The following OR5P3 variants were observed in gnomAD, a reference collection of about 807,000 sequenced individuals.
OR5P3 encodes olfactory receptor family 5 subfamily P member 3.
For synonymous variants in OR5P3, 172 were observed against 141.8 expected (o/e 1.21, Z -1.51); for missense variants, 415 against 375.6 (o/e 1.10, Z -0.87).
At chr11:7,827,325 T>A (rs759993693) in intron 1 of OR5P3, among the ~76,000 whole-genome samples, 50 of 152,180 alleles carry the variant, frequency 3.3e-4, no homozygotes, top group Non-Finnish European at 7.1e-4. Context: ...GTGCAGTAAT[T>A]CACATAAAGA....
In OR5P3 at chr11:7,825,861, T is replaced by G. The variant is rs1272742266; in HGVS notation, c.112A>C (p.Thr38Pro). 6.2e-7 allele frequency: 1 copy of G among 1,611,516 alleles called. No homozygotes were observed. The highest frequency in any genetic ancestry group is 8.5e-7 in the Non-Finnish European group (1 of 1,178,954). ...ATTATGCTGATATTACCCATTAAGGTGACAACATAAATTCCTAGAAACACA... is the reference window on the plus strand; with the variant it reads ...ATTATGCTGATATTACCCATTAAGGGGACAACATAAATTCCTAGAAACACA... ...FLVFLGIYVV[T>P]LMGNISIIVL... The change falls in exon 2 of 2, where the codon ACC becomes CCC. Residue 38 changes from threonine (T) to proline (P), a missense_variant. By Grantham distance (38) the Thr-to-Pro change is conservative (BLOSUM62 -1). Transcript: ENST00000641167.
intron 1 of OR5P3, among the ~76,000 whole-genome samples, chr11:7,828,323 A>G (rs1290239446): frequency 2.6e-5 from 4 of 152,190 alleles, no homozygotes; most frequent in Non-Finnish European, 4.4e-5. Context: ...TTCAAGAGTT[A>G]AAAAGAGATG....
chr11:7,825,760 A>T lies in OR5P3; in HGVS notation c.213T>A (p.Ile71=). 6.2e-7 allele frequency: 1 copy of T among 1,613,220 alleles called. No individual in the cohort carries two copies. Residue 71 remains isoleucine, a synonymous_variant, in exon 2 of 2, where the codon ATT becomes ATA. Transcript: ENST00000641167. The stretch of plus-strand genomic sequence containing the variant: ...CAGGTGTGACTGATGAGGAGTACCC[A>T]ATGTCTACAAAGGCCAAATGGCAGA... ...IFLCHLAFVD[I]GYSSSVTPVM...
Position 7,825,151 on chromosome 11 carries a change from C to A in OR5P3, c.822G>T (p.Val274=). Residue 274 remains valine, a synonymous_variant, in exon 2 of 2, where the codon GTG becomes GTT. Transcript: ENST00000641167. ...GAATCACCACGGTGTAGAACACAGA[C>A]ACCACCTTGTTCTGGTCAGTTGAGT... is the stretch of plus-strand genomic sequence containing the variant. ...SSYSTDQNKV[V]SVFYTVVIPM... is the part of the protein sequence containing the mutation. 6.2e-7 allele frequency: 1 copy of A among 1,607,034 alleles called. No homozygotes were observed. Among genetic ancestry groups the A allele is most frequent in the Middle Eastern group, 1.7e-4 (1 of 6,060 alleles).
Position 7,825,825 on chromosome 11 carries a change from T to A in OR5P3, c.148A>T (p.Arg50Ter), listed in dbSNP as rs1017139600. ...GGTGTATGAAGATGATGACTTCTTC[T>A]GATCAATACAATTATGCTGATATTA... is the stretch of plus-strand genomic sequence containing the variant. ...MGNISIIVLI[R>*]RSHHLHTPMY... Residue 50 changes from arginine (R) to a stop codon, truncating the protein, a stop_gained, in exon 2 of 2, where the codon AGA becomes TGA. Coordinates refer to ENST00000641167, the MANE Select transcript of OR5P3 (RefSeq NM_153445.2). LOFTEE classifies it low-confidence loss of function (END_TRUNC). 2 of 1,613,150 alleles carry A rather than the reference T, an allele frequency of 1.2e-6. No individual in the cohort carries two copies. Among genetic ancestry groups the A allele is most frequent in the African/African-American group, 2.7e-5 (2 of 74,138 alleles).
chr11:7,826,730 A>G lies in OR5P3; in HGVS notation c.-21-737T>C, dbSNP rs546794627. Among the ~76,000 whole-genome samples the G allele has an allele frequency of 5.3e-4, 81 of 152,360 alleles. 2 individuals are homozygous for G. The South Asian group carries it at 0.017, about 32-fold the overall frequency. On this transcript the variant is annotated intron_variant, in intron 1 of 1. Coordinates refer to ENST00000641167, the MANE Select transcript of OR5P3 (RefSeq NM_153445.2). ...CTGATTCATGATAGTGAGCCAATCTAGAGAAGACATGATCAGGTTACTCCT... is the reference window on the plus strand; with the variant it reads ...CTGATTCATGATAGTGAGCCAATCTGGAGAAGACATGATCAGGTTACTCCT...
In OR5P3 at chr11:7,824,974, G is replaced by C; in HGVS notation, c.*63C>G. 7.8e-7 allele frequency: 1 copy of C among 1,280,374 alleles called. No individual in the cohort carries two copies. Among genetic ancestry groups the C allele is most frequent in the Non-Finnish European group, 1.1e-6 (1 of 950,860 alleles). The allele number at this position is 1,280,374 out of a possible 1,614,324, so 79.3% of individuals were successfully genotyped here. A position where few individuals can be genotyped will look rare whatever the true frequency, so the allele number is the denominator to read the frequency against. The stretch of plus-strand genomic sequence containing the variant: ...GATAAATTTTGACCACAAACACTCG[G>C]TGTCTTATTATTATTATATATAGAA... On this transcript the variant is annotated 3_prime_UTR_variant, in exon 2 of 2. Coordinates refer to ENST00000641167, the MANE Select transcript of OR5P3 (RefSeq NM_153445.2).
At chr11:7,829,659 G>A (rs772416371) in intron 1 of OR5P3, among the ~76,000 whole-genome samples, 15 of 152,316 alleles carry the variant, frequency 9.8e-5, no homozygotes, top group Admixed American at 7.8e-4. Context: ...AAGATAATGC[G>A]TGAACTTTCT....
rs1325989804 is a variant in OR5P3, at chr11:7,825,276, C to T, written c.697G>A (p.Gly233Ser). The T allele has an allele frequency of 6.2e-7, 1 of 1,612,948 alleles. No homozygotes were observed. Among genetic ancestry groups the T allele is most frequent in the Admixed American group, 1.7e-5 (1 of 59,954 alleles). ...CAGGTGGAGAAGGCCTTGTGGCGGC[C>T]CTTGGTGGAGTGCATCTTCAGGATG... ...ITILKMHSTK[G>S]RHKAFSTCTS... Residue 233 changes from glycine to serine, a missense_variant, in exon 2 of 2, where the codon GGC (glycine) becomes AGC (serine). Gly to Ser is a moderately conservative substitution (Grantham distance 56). Coordinates refer to ENST00000641167, the MANE Select transcript of OR5P3 (RefSeq NM_153445.2).
rs113493795 is a variant in OR5P3, at chr11:7,825,093, T to C, written c.880A>G (p.Asn294Asp). Reference protein sequence around the residue: ...MLNPLIYSLRNKEIKGALKRE... With the variant: ...MLNPLIYSLRDKEIKGALKRE... Reference sequence around the variant, plus strand: ...TTCAGAGCCCCCTTAATCTCCTTGTTCCTGAGGCTGTAGATCAGGGGGTTC... The same window carrying C: ...TTCAGAGCCCCCTTAATCTCCTTGTCCCTGAGGCTGTAGATCAGGGGGTTC... Residue 294 changes from asparagine (N) to aspartate (D), a missense_variant, in exon 2 of 2, where the codon AAC (asparagine) becomes GAC (aspartate). Coordinates refer to ENST00000641167, the MANE Select transcript of OR5P3 (RefSeq NM_153445.2). 2.1e-5 allele frequency: 34 copies of C among 1,614,108 alleles called. 2 individuals carry two copies. In the African/African-American group the frequency reaches 2.1e-4, roughly 10 times the overall value.
chr11:7,826,285 G>A (rs1317940153), intron 1 of OR5P3, among the ~76,000 whole-genome samples: 1 of 151,786 alleles, frequency 6.6e-6, no homozygotes, highest in African/African-American at 2.4e-5. Flanking sequence ...ATGACCACTA[G>A]AATATATAAA....
intron 1 of OR5P3, among the ~76,000 whole-genome samples, chr11:7,828,427 A>T (rs912448347): frequency 1.3e-5 from 2 of 152,178 alleles, no homozygotes; most frequent in African/African-American, 4.8e-5. Flanking sequence ...TGAGAGAGAG[A>T]GTACAGAAGA....
chr11:7,829,969 T>C lies in OR5P3; in HGVS notation c.-22+855A>G, dbSNP rs118144985. On this transcript the variant is annotated intron_variant, in intron 1 of 1. Transcript: ENST00000641167. Reference sequence around the variant, plus strand: ...TTCTATGGAAGAAAATTAAGATAATTCAATGTTTTCCTACATCATTTAATA... The same window carrying C: ...TTCTATGGAAGAAAATTAAGATAATCCAATGTTTTCCTACATCATTTAATA... Among the ~76,000 whole-genome samples the C allele has an allele frequency of 3.3e-3, 496 of 152,346 alleles. 1 individual carries two copies. Among genetic ancestry groups the C allele is most frequent in the Non-Finnish European group, 6.3e-3 (427 of 68,032 alleles).
rs1434838294 is a variant in OR5P3, at chr11:7,824,920, G to T, written c.*117C>A. 19 of 660,500 alleles carry T rather than the reference G, an allele frequency of 2.9e-5. No individual in the cohort carries two copies. Among genetic ancestry groups the T allele is most frequent in the South Asian group, 5.4e-5 (1 of 18,642 alleles). The allele number at this position is 660,500 out of a possible 1,614,324, so 40.9% of individuals were successfully genotyped here. ...ATCTTCCCTCCTGATTGACTAAAAA[G>T]CTCCACACTGGGTAATGGTCTATGG... On this transcript the variant is annotated 3_prime_UTR_variant, in exon 2 of 2. Coordinates refer to ENST00000641167, the MANE Select transcript of OR5P3 (RefSeq NM_153445.2).
intron 1 of OR5P3, among the ~76,000 whole-genome samples, chr11:7,829,544 C>T (rs1857785000): frequency 6.6e-6 from 1 of 152,164 alleles, no homozygotes; most frequent in Non-Finnish European, 1.5e-5. Context: ...TCAGGAATTA[C>T]AGGTCTACCT....
chr11:7,825,360 A>T lies in OR5P3; in HGVS notation c.613T>A (p.Ser205Thr). 1.9e-6 allele frequency: 3 copies of T among 1,613,190 alleles called. No homozygotes were observed. In the South Asian group the frequency reaches 3.3e-5, roughly 18 times the overall value. Residue 205 changes from serine to threonine, a missense_variant, in exon 2 of 2, where the codon TCT becomes ACT. Ser to Thr is a moderately conservative substitution (Grantham distance 58). Coordinates refer to ENST00000641167, the MANE Select transcript of OR5P3 (RefSeq NM_153445.2). ...FEIIPAISSGSIIVATVCVIA... is the reference protein window; with the variant it reads ...FEIIPAISSGTIIVATVCVIA... ...ACACACACAGTGGCCACAATGATAGATCCAGAAGAGATAGCTGGAATTATT... is the reference window on the plus strand; with the variant it reads ...ACACACACAGTGGCCACAATGATAGTTCCAGAAGAGATAGCTGGAATTATT...
At chr11:7,830,151 T>C (rs1444061917) in intron 1 of OR5P3, among the ~76,000 whole-genome samples, 1 of 152,176 alleles carries the variant, frequency 6.6e-6, no homozygotes, top group Non-Finnish European at 1.5e-5. Context: ...TGAACGCTCT[T>C]GCACACATGC....
At position 7,824,987 on chromosome 11, in the gene OR5P3, A is replaced by G. The variant is rs367842901; in HGVS notation, c.*50T>C. The stretch of plus-strand genomic sequence containing the variant: ...CACAAACACTCGGTGTCTTATTATT[A>G]TTATATATAGAATATTAATATATCA... On this transcript the variant is annotated 3_prime_UTR_variant, in exon 2 of 2. Transcript: ENST00000641167. 306 of 1,351,692 alleles carry G rather than the reference A, an allele frequency of 2.3e-4. No homozygotes were observed. In the African/African-American group the frequency reaches 3.8e-3, roughly 17 times the overall value. 83.7% of individuals were successfully genotyped at this position (1,351,692 alleles called of 1,614,324 possible). A position where few individuals can be genotyped will look rare whatever the true frequency, so the allele number is the denominator to read the frequency against.
intron 1 of OR5P3, among the ~76,000 whole-genome samples, chr11:7,829,661 G>T (rs1482798): frequency 0.55 from 83,254 of 152,106 alleles, 24,250 homozygotes; most frequent in South Asian, 0.67. Flanking sequence ...GATAATGCGT[G>T]AACTTTCTCA....
Sources: gnomAD v4.1 joint callset for allele counts (sites outside exome capture counted in the v4.1 genomes callset) on GRCh38, gnomAD v4.1.1 for gene constraint, MANE v1.5 for transcripts, NCBI Gene and HGNC (gene_info 2026-07-23, HGNC 2026-07-21) for gene names.